The following CNTNAP2 variants were observed in gnomAD, a reference collection of about 807,000 sequenced individuals.
CNTNAP2 encodes the protein contactin-associated protein-like 2.
A neutral mutation model predicts 155.2 loss-of-function variants in CNTNAP2; 98 were observed. The ratio of observed to expected loss-of-function variants is 0.63; its 90% CI spans 0.54 to 0.75. CNTNAP2 has a LOEUF of 0.75. Among genes scored for constraint, CNTNAP2 ranks in the 30% least tolerant of loss-of-function variants. CNTNAP2 has a pLI of 0.00. For missense variants in CNTNAP2, 1,727 were observed against 1,688.1 expected, an observed-to-expected ratio of 1.02 and a Z score of -0.40; for synonymous variants, 651 against 631.2, an observed-to-expected ratio of 1.03 and a Z score of -0.47.
chr7:146,542,283 A>G (rs1211358024), intron 1 of CNTNAP2, among the ~76,000 whole-genome samples: 1 of 151,950 alleles, frequency 6.6e-6, no homozygotes, highest in African/African-American at 2.4e-5. Context: ...GAGATTTGAA[A>G]CAGAAACCAC....
intron 3 of CNTNAP2, among the ~76,000 whole-genome samples, 188 bp from the exon 4 acceptor site, chr7:147,043,719 G>C (rs1304038087): frequency 6.6e-6 from 1 of 152,166 alleles, no homozygotes; most frequent in African/African-American, 2.4e-5. Flanking sequence ...AATCTGACCT[G>C]TTTTCCACTT....
At chr7:147,329,275 C>T (rs1795514387) in intron 9 of CNTNAP2, among the ~76,000 whole-genome samples, 1 of 151,988 alleles carries the variant, frequency 6.6e-6, no homozygotes, top group African/African-American at 2.4e-5. Context: ...ATAATTCTTA[C>T]ACATTATAAA....
intron 14 of CNTNAP2, among the ~76,000 whole-genome samples, chr7:147,920,074 C>T (rs1050997110): frequency 7.3e-5 from 11 of 151,590 alleles, no homozygotes; most frequent in Admixed American, 5.9e-4. Flanking sequence ...AAAAGTATGC[C>T]TTGGCCGGGC....
intron 1 of CNTNAP2, among the ~76,000 whole-genome samples, chr7:146,762,668 G>C (rs1278322733): frequency 6.6e-6 from 1 of 152,108 alleles, no homozygotes; most frequent in Non-Finnish European, 1.5e-5. Context: ...ACAGAGACAT[G>C]CCTGTGCCTG....
At chr7:146,655,804 A>G (rs1799987467) in intron 1 of CNTNAP2, among the ~76,000 whole-genome samples, 1 of 152,318 alleles carries the variant, frequency 6.6e-6, no homozygotes, top group East Asian at 1.9e-4. Flanking sequence ...ATGTATGGCT[A>G]ATTGTAAAGT....
At chr7:146,970,789 A>T (rs909982403) in intron 3 of CNTNAP2, among the ~76,000 whole-genome samples, 3 of 152,126 alleles carry the variant, frequency 2.0e-5, no homozygotes, top group Non-Finnish European at 4.4e-5. Context: ...CTATTCACAA[A>T]ATCAAAGACT....
intron 2 of CNTNAP2, among the ~76,000 whole-genome samples, chr7:146,828,309 C>A (rs1446030810): frequency 6.6e-6 from 1 of 151,890 alleles, no homozygotes; most frequent in African/African-American, 2.4e-5. Flanking sequence ...ACAGATGAAG[C>A]AAAACTGAAA....
At chr7:146,673,972 C>T (rs990469483) in intron 1 of CNTNAP2, among the ~76,000 whole-genome samples, 4 of 152,188 alleles carry the variant, frequency 2.6e-5, no homozygotes, top group Non-Finnish European at 4.4e-5. Context: ...CCTACTAAAA[C>T]CTTTATGTAC....
rs571308850 is a variant in CNTNAP2 at position 146,280,257 on chromosome 7, AC to A, written c.97+163285del. On this transcript the variant is annotated intron_variant, in intron 1 of 23. Transcript: ENST00000361727. ...AGGTGAGAAAATACTTTCCAAAAAT[AC>A]TTTATGTAAGTGGAAGTGATAATTG... Among the ~76,000 whole-genome samples, 376 of 152,344 alleles carry A rather than the reference AC, an allele frequency of 2.5e-3. 3 individuals carry two copies. The highest frequency in any genetic ancestry group is 3.9e-3 in the Non-Finnish European group (266 of 68,028).
At chr7:147,516,156 T>TA (rs1584784898) in intron 11 of CNTNAP2, among the ~76,000 whole-genome samples, 1 of 152,200 alleles carries the variant, frequency 6.6e-6, no homozygotes, top group East Asian at 1.9e-4. Flanking sequence ...ATAAAACTCT[T>TA]ATAATGTGAT....
intron 1 of CNTNAP2, among the ~76,000 whole-genome samples, chr7:146,752,531 T>C (rs963105895): frequency 2.0e-5 from 3 of 152,178 alleles, no homozygotes; most frequent in African/African-American, 7.2e-5. Context: ...CTTTGTCAGA[T>C]GGGTAGATTG....
chr7:148,408,913 G>A (rs896693686), intron 22 of CNTNAP2, among the ~76,000 whole-genome samples: 1 of 152,184 alleles, frequency 6.6e-6, no homozygotes, highest in Admixed American at 6.5e-5. Flanking sequence ...AAGTGTGCCA[G>A]TGTCTTATTA....
chr7:146,662,979 A>G (rs7798530), intron 1 of CNTNAP2, among the ~76,000 whole-genome samples: 2,849 of 152,158 alleles, frequency 0.019, 95 homozygotes, highest in African/African-American at 0.064. Context: ...TAACATTAGA[A>G]TAACTACAGA....
chr7:147,196,222 T>C (rs1429220758), intron 8 of CNTNAP2, among the ~76,000 whole-genome samples: 1 of 152,156 alleles, frequency 6.6e-6, no homozygotes, highest in African/African-American at 2.4e-5. Context: ...TCACCTGCTG[T>C]GGTGCTTTGT....
chr7:146,371,972 G>GA (rs1795243911), intron 1 of CNTNAP2, among the ~76,000 whole-genome samples: 1 of 143,942 alleles, frequency 6.9e-6, no homozygotes, highest in East Asian at 2.0e-4. Flanking sequence ...AAAAAAAAAA[G>GA]AAAAAATTGC....
chr7:147,784,247 T>A (rs1378536417), intron 13 of CNTNAP2, among the ~76,000 whole-genome samples: 1 of 151,502 alleles, frequency 6.6e-6, no homozygotes, highest in Non-Finnish European at 1.5e-5. Context: ...TATTTGGGAT[T>A]AGAACTTCAA....
At chr7:146,167,936 G>T (rs1798336665) in intron 1 of CNTNAP2, among the ~76,000 whole-genome samples, 1 of 152,094 alleles carries the variant, frequency 6.6e-6, no homozygotes, top group South Asian at 2.1e-4. Context: ...AGATTCCCCT[G>T]GCAAACCACT....
chr7:146,702,368 G>GA (rs1466591638), intron 1 of CNTNAP2, among the ~76,000 whole-genome samples: 1 of 152,000 alleles, frequency 6.6e-6, no homozygotes. Flanking sequence ...GCGTTCTATA[G>GA]AAAAAATTAA....
intron 1 of CNTNAP2, among the ~76,000 whole-genome samples, chr7:146,248,034 G>A (rs1294979876): frequency 2.0e-5 from 3 of 151,758 alleles, no homozygotes; most frequent in Admixed American, 6.6e-5. Context: ...GATATAAGAG[G>A]CTGGGGCACG....
Sources: gnomAD v4.1 joint callset for allele counts (sites outside exome capture counted in the v4.1 genomes callset) on GRCh38, gnomAD v4.1.1 for gene constraint, MANE v1.5 for transcripts, NCBI Gene and HGNC (gene_info 2026-07-23, HGNC 2026-07-21) for gene names.